Variants in DENND2B observed in about 807,000 individuals in gnomAD.
DENND2B encodes the protein DENN domain containing 2B, also known as DENN domain-containing protein 2B.
In DENND2B, 32 loss-of-function variants were observed where a neutral mutation model predicts 116.0. That is an observed-to-expected ratio of 0.28 (90% CI 0.21 to 0.37). DENND2B has a LOEUF of 0.37. DENND2B is among the 10% of genes least tolerant of loss of function. DENND2B has a pLI of 1.00. For missense variants in DENND2B, 1,276 were observed against 1,477.7 expected (o/e 0.86, Z 2.24); for synonymous variants, 588 against 583.9 (o/e 1.01, Z -0.10).
intron 2 of DENND2B, among the ~76,000 whole-genome samples, chr11:8,743,483 G>A (rs2050623766): frequency 6.6e-6 from 1 of 152,020 alleles, no homozygotes; most frequent in Non-Finnish European, 1.5e-5. Flanking sequence ...CTGGTTGGCA[G>A]AGGCTGCAGT....
intron 8 of DENND2B, 126 bp downstream of exon 8, chr11:8,713,872 C>A: frequency 2.0e-6 from 2 of 980,556 alleles, no homozygotes; most frequent in South Asian, 1.4e-5. Flanking sequence ...TGGTATCTGG[C>A]CTGTCTGTCA....
intron 1 of DENND2B, among the ~76,000 whole-genome samples, chr11:8,794,233 C>T (rs889559662): frequency 1.3e-5 from 2 of 152,194 alleles, no homozygotes; most frequent in African/African-American, 4.8e-5. Context: ...CACAGCAAGG[C>T]CCTAAATGGG....
chr11:8,791,313 C>T (rs2059355620), intron 1 of DENND2B, among the ~76,000 whole-genome samples: 1 of 152,180 alleles, frequency 6.6e-6, no homozygotes, highest in Admixed American at 6.5e-5. Flanking sequence ...AAAGGGGATT[C>T]ATGCAACTAT....
chr11:8,871,010 C>A (rs1024129936), exon 2 of DENND2B: 1 of 152,022 alleles, frequency 6.6e-6, no homozygotes, highest in Non-Finnish European at 1.5e-5. Flanking sequence ...CGCCGGGAGC[C>A]GCGCGGCCCG....
intron 1 of DENND2B, among the ~76,000 whole-genome samples, chr11:8,792,826 A>G (rs762756883): frequency 6.6e-6 from 1 of 152,220 alleles, no homozygotes; most frequent in Non-Finnish European, 1.5e-5. Flanking sequence ...CCTGCTGATG[A>G]GAAGTACACT....
chr11:8,878,759 A>G (rs2063871324), intron 2 of DENND2B, among the ~76,000 whole-genome samples: 1 of 152,226 alleles, frequency 6.6e-6, no homozygotes, highest in Admixed American at 6.5e-5. Flanking sequence ...ATTCTGATAC[A>G]TGCAATGTGA....
chr11:8,848,565 G>A (rs1338290721), intron 3 of DENND2B, among the ~76,000 whole-genome samples: 1 of 152,162 alleles, frequency 6.6e-6, no homozygotes, highest in African/African-American at 2.4e-5. Flanking sequence ...GGTTAAATGT[G>A]AGAGAGTGGT....
At chr11:8,723,532 A>G (rs935599435) in intron 4 of DENND2B, among the ~76,000 whole-genome samples, 11 of 152,258 alleles carry the variant, frequency 7.2e-5, no homozygotes, top group African/African-American at 2.6e-4. Flanking sequence ...CTACTCACTC[A>G]TTCGGGAGGA....
chr11:8,866,398 A>G (rs2568062), intron 2 of DENND2B, among the ~76,000 whole-genome samples: 83,504 of 152,080 alleles, frequency 0.55, 23,096 homozygotes, highest in Middle Eastern at 0.74. Flanking sequence ...AAACATTTCT[A>G]ACATTTAAAT....
At chr11:8,735,697 C>T (rs1156783733) in intron 2 of DENND2B, among the ~76,000 whole-genome samples, 1 of 152,218 alleles carries the variant, frequency 6.6e-6, no homozygotes, top group Non-Finnish European at 1.5e-5. Flanking sequence ...GGAGCTAGTT[C>T]AGCCACCCTA....
At chr11:8,904,400 A>G (rs1259487700) in intron 1 of DENND2B, among the ~76,000 whole-genome samples, 1 of 152,204 alleles carries the variant, frequency 6.6e-6, no homozygotes, top group Non-Finnish European at 1.5e-5. Flanking sequence ...AGCTAATTAA[A>G]AATAATTTTT....
chr11:8,706,414 A>G (rs982691234), intron 13 of DENND2B, among the ~76,000 whole-genome samples: 2 of 116,754 alleles, frequency 1.7e-5, no homozygotes, highest in African/African-American at 6.7e-5. Context: ...CCCTCTGACC[A>G]GCATTTGCAC....
At chr11:8,801,697 G>GAAACAAAC (rs1276628329) in intron 1 of DENND2B, among the ~76,000 whole-genome samples, 1 of 143,708 alleles carries the variant, frequency 7.0e-6, no homozygotes, top group African/African-American at 2.6e-5. Flanking sequence ...AAAAAAGAAA[G>GAAACAAAC]AAAGAAACAA....
intron 11 of DENND2B, among the ~76,000 whole-genome samples, 159 bp downstream of exon 11, chr11:8,710,686 G>A (rs1356185200): frequency 6.6e-6 from 1 of 151,734 alleles, no homozygotes; most frequent in Admixed American, 6.6e-5. Context: ...GTGTGTGTTG[G>A]CAGGGGGTTC....
At chr11:8,774,016 A>G in intron 1 of DENND2B, 1 of 738,912 alleles carries the variant, frequency 1.4e-6, no homozygotes, top group Non-Finnish European at 1.7e-6. Flanking sequence ...TGTGTTGCCT[A>G]CCCTCTGTAA....
chr11:8,879,286 T>C (rs2063877015), intron 2 of DENND2B, among the ~76,000 whole-genome samples: 2 of 152,206 alleles, frequency 1.3e-5, no homozygotes, highest in Admixed American at 1.3e-4. Context: ...CATGTGAGAC[T>C]GTAGCGGACC....
At chr11:8,748,137 A>G (rs1160024447) in intron 2 of DENND2B, among the ~76,000 whole-genome samples, 1 of 152,118 alleles carries the variant, frequency 6.6e-6, no homozygotes. Context: ...CCAAAGTGTC[A>G]AAGGCCCAGC....
chr11:8,698,137 CAAAAAAAAAAAAAAA>C lies in DENND2B; in HGVS notation c.2941-516_2941-502del, dbSNP rs33975736. On this transcript the variant is annotated intron_variant, in intron 16 of 19. Coordinates refer to ENST00000313726, the MANE Select transcript of DENND2B (RefSeq NM_213618.2). ...CTGGATGACAGTGAGACCCTGTCTC[CAAAAAAAAAAAAAAA>C]AAAAAAAAAAAAAAGGGGGTAGAGC... is the stretch of plus-strand genomic sequence containing the variant. 6.0e-4 allele frequency among the ~76,000 whole-genome samples: 24 copies of C among 39,822 alleles called. No individual in the cohort carries two copies. The East Asian group carries it at 0.01, about 17-fold the overall frequency. 26.1% of individuals were successfully genotyped at this position (39,822 alleles called of 152,430 possible). A position where few individuals can be genotyped will look rare whatever the true frequency, so the allele number is the denominator to read the frequency against.
At chr11:8,697,803 G>A (rs532847129) in intron 16 of DENND2B, 167 bp from the exon 17 acceptor site, 14 of 626,484 alleles carry the variant, frequency 2.2e-5, no homozygotes, top group African/African-American at 2.2e-4. Flanking sequence ...GCACAGAAAG[G>A]TTAAGAAACT....
Sources: allele counts gnomAD v4.1 joint callset (sites outside exome capture counted in the v4.1 genomes callset), GRCh38; gene constraint gnomAD v4.1.1; transcripts MANE v1.5; gene names NCBI Gene and HGNC (gene_info 2026-07-23, HGNC 2026-07-21).